The following FGD5 variants were observed in gnomAD, a reference collection of about 807,000 sequenced individuals.
The protein encoded by FGD5 is FYVE, RhoGEF and PH domain containing 5.
FGD5 carries 28 observed loss-of-function variants against 133.4 expected under a neutral mutation model. The observed-to-expected ratio is 0.21, with a 90% CI of 0.16 to 0.29. The LOEUF is 0.29. Ranked by LOEUF, FGD5 falls within the 10% of genes least tolerant of loss-of-function variation. The pLI, the probability that FGD5 is intolerant of heterozygous loss-of-function variation, is 1.00. For synonymous variants in FGD5, 810 were observed against 776.5 expected, an observed-to-expected ratio of 1.04 and a Z score of -0.72; for missense variants, 1,858 against 1,895.2, an observed-to-expected ratio of 0.98 and a Z score of 0.36.
intron 2 of FGD5, among the ~76,000 whole-genome samples, chr3:14,874,832 A>G (rs2037684720): frequency 6.6e-6 from 1 of 152,212 alleles, no homozygotes; most frequent in Non-Finnish European, 1.5e-5. Flanking sequence ...CCACAGTCAC[A>G]CCAGCCTAAC....
At chr3:14,823,019 A>G (rs191227172) in intron 1 of FGD5, among the ~76,000 whole-genome samples, 58 of 152,346 alleles carry the variant, frequency 3.8e-4, no homozygotes, top group African/African-American at 1.3e-3. Flanking sequence ...AGTTCTTTCT[A>G]AGATGAGAAG....
At chr3:14,876,589 T>C (rs184789339) in intron 2 of FGD5, among the ~76,000 whole-genome samples, 1 of 151,774 alleles carries the variant, frequency 6.6e-6, no homozygotes, top group Admixed American at 6.5e-5. Context: ...AACAAAAGAG[T>C]GACATTTTTA....
intron 1 of FGD5, among the ~76,000 whole-genome samples, chr3:14,833,620 G>A (rs1163786000): frequency 6.6e-6 from 1 of 152,126 alleles, no homozygotes; most frequent in East Asian, 1.9e-4. Context: ...GCATCCTGAG[G>A]AAGCAGGTGG....
chr3:14,854,743 A>G (rs373362714), intron 1 of FGD5, among the ~76,000 whole-genome samples: 1 of 152,158 alleles, frequency 6.6e-6, no homozygotes, highest in Non-Finnish European at 1.5e-5. Flanking sequence ...TAAATTGACA[A>G]ATAATAATTG....
intron 1 of FGD5, among the ~76,000 whole-genome samples, chr3:14,852,171 G>A (rs11706598): frequency 0.086 from 13,164 of 152,260 alleles, 771 homozygotes; most frequent in East Asian, 0.31. Context: ...CATTATACAT[G>A]ATAGCCAAAA....
At chr3:14,907,839 G>T in intron 10 of FGD5, 128 bp downstream of exon 10, 1 of 917,472 alleles carries the variant, frequency 1.1e-6, no homozygotes, top group Non-Finnish European at 1.6e-6. Flanking sequence ...GGGCAGGCAG[G>T]CGGGTGGGCG....
At position 14,819,639 on chromosome 3, in the gene FGD5, T is replaced by C. The variant is rs1466994068; in HGVS notation, c.568T>C (p.Phe190Leu). 1 of 1,550,318 alleles carries C rather than the reference T, an allele frequency of 6.5e-7. No homozygotes were observed. The highest frequency in any genetic ancestry group is 2.4e-5 in the East Asian group (1 of 40,890). Reference protein sequence around the residue: ...DSGPWAGEGVFQSDLLLPHIH... With the variant: ...DSGPWAGEGVLQSDLLLPHIH... ...TGGGCCTTGGGCTGGAGAGGGGGTC[T>C]TCCAGAGCGACCTCCTCCTGCCTCA... Residue 190 changes from phenylalanine to leucine, a missense_variant, in exon 1 of 20, where the codon TTC becomes CTC. This residue lies in a region of FGD5 where 1,824 missense variants were observed against 1,848.9 expected (regional missense o/e 0.99). Coordinates refer to ENST00000285046, the MANE Select transcript of FGD5 (RefSeq NM_152536.4). This position sits in a 1 kb window ranked among gnomAD's most constrained non-coding sequence, Gnocchi z 4.1.
intron 1 of FGD5, among the ~76,000 whole-genome samples, chr3:14,825,561 G>T (rs1448322724): frequency 2.0e-5 from 3 of 152,004 alleles, no homozygotes; most frequent in Admixed American, 1.3e-4. Context: ...GAGGCGGGAG[G>T]ATCACTTGAG....
rs562970483 is a variant in FGD5 at position 14,902,401 on chromosome 3, A to G, written c.3264+1340A>G. On this transcript the variant is annotated intron_variant, in intron 9 of 19. Coordinates refer to ENST00000285046, the MANE Select transcript of FGD5 (RefSeq NM_152536.4). ...AAGAGGGGCTGGCCTGGGCAAAGACATGGAGGTTGGACGGTGCATGTTGGA... is the reference window on the plus strand; with the variant it reads ...AAGAGGGGCTGGCCTGGGCAAAGACGTGGAGGTTGGACGGTGCATGTTGGA... Among the ~76,000 whole-genome samples the G allele has an allele frequency of 6.4e-4, 97 of 152,148 alleles. 1 individual carries two copies. In the Middle Eastern group the frequency reaches 0.014, roughly 21 times the overall value.
chr3:14,839,700 A>T (rs2036881094), intron 1 of FGD5, among the ~76,000 whole-genome samples: 1 of 152,162 alleles, frequency 6.6e-6, no homozygotes, highest in East Asian at 1.9e-4. Flanking sequence ...TGGGAGGCCG[A>T]GGCGGGTGGA....
chr3:14,854,615 GC>G (rs1194319236), intron 1 of FGD5, among the ~76,000 whole-genome samples: 5 of 151,846 alleles, frequency 3.3e-5, no homozygotes, highest in Admixed American at 2.6e-4. Flanking sequence ...GGGAGGTCTT[GC>G]TGTGTTGCCA....
At chr3:14,881,313 C>T (rs2037821016) in intron 4 of FGD5, among the ~76,000 whole-genome samples, 3 of 101,428 alleles carry the variant, frequency 3.0e-5, no homozygotes, top group East Asian at 3.4e-4. Context: ...TGCTCCCCTT[C>T]GTAACTCACA....
intron 4 of FGD5, among the ~76,000 whole-genome samples, chr3:14,882,585 C>T (rs150345844): frequency 6.9e-4 from 105 of 151,834 alleles, no homozygotes; most frequent in Non-Finnish European, 1.4e-3. Context: ...GTAATCCCAG[C>T]TACTCAGGAG....
intron 11 of FGD5, among the ~76,000 whole-genome samples, chr3:14,913,149 C>T (rs2038484068): frequency 6.6e-6 from 1 of 152,176 alleles, no homozygotes; most frequent in African/African-American, 2.4e-5. Context: ...CTTCTGTGAC[C>T]CTTAGACAAC....
At chr3:14,883,069 G>A (rs550794087) in intron 4 of FGD5, among the ~76,000 whole-genome samples, 12 of 152,234 alleles carry the variant, frequency 7.9e-5, no homozygotes, top group Admixed American at 1.3e-4. Flanking sequence ...GGCGCGGAGT[G>A]GCCTTCTGTG....
chr3:14,927,536 G>T (rs2038827415), intron 18 of FGD5, among the ~76,000 whole-genome samples: 1 of 57,182 alleles, frequency 1.7e-5, no homozygotes, highest in South Asian at 8.0e-4. Flanking sequence ...CTAGAAAGAG[G>T]AATTTACATA....
At chr3:14,848,304 C>T (rs11707995) in intron 1 of FGD5, among the ~76,000 whole-genome samples, 28,001 of 152,064 alleles carry the variant, frequency 0.18, 2,727 homozygotes, top group East Asian at 0.31. Flanking sequence ...ACACCCCAAA[C>T]GCCTGAACCC....
Position 14,819,635 on chromosome 3 carries a change from G to A in FGD5, c.564G>A (p.Gly188=), listed in dbSNP as rs975894305. The change falls in exon 1 of 20, where the codon GGG becomes GGA. Residue 188 remains glycine, a synonymous_variant. Coordinates refer to ENST00000285046, the MANE Select transcript of FGD5 (RefSeq NM_152536.4). The surrounding 1 kb of genome is among the most constrained non-coding windows in gnomAD (Gnocchi z 4.1). ...ACAGTGGGCCTTGGGCTGGAGAGGG[G>A]GTCTTCCAGAGCGACCTCCTCCTGC... ...LEDSGPWAGE[G]VFQSDLLLPH... 2 of 1,550,700 alleles carry A rather than the reference G, an allele frequency of 1.3e-6. No individual in the cohort carries two copies. Among genetic ancestry groups the A allele is most frequent in the African/African-American group, 1.4e-5 (1 of 72,990 alleles).
Position 14,933,123 on chromosome 3 carries a change from T to A in FGD5, c.4353-8T>A. On this transcript the variant is annotated splice_polypyrimidine_tract_variant and splice_region_variant and intron_variant, in intron 19 of 19. Coordinates refer to ENST00000285046, the MANE Select transcript of FGD5 (RefSeq NM_152536.4). ...AAAACCAAATGTCCTCCCTGTTTTGTTTTATAGGTGGATCGAGGCCATGGA... is the reference window on the plus strand; with the variant it reads ...AAAACCAAATGTCCTCCCTGTTTTGATTTATAGGTGGATCGAGGCCATGGA... 6.2e-7 allele frequency: 1 copy of A among 1,613,252 alleles called. No homozygotes were observed. The highest frequency in any genetic ancestry group is 8.5e-7 in the Non-Finnish European group (1 of 1,179,634).
Sources: gnomAD v4.1 joint callset for allele counts (sites outside exome capture counted in the v4.1 genomes callset) on GRCh38, gnomAD v4.1.1 for gene constraint, gnomAD v4.1.1 regional missense constraint, Gnocchi (gnomAD v3.1) non-coding constraint, MANE v1.5 for transcripts, NCBI Gene and HGNC (gene_info 2026-07-23, HGNC 2026-07-21) for gene names.